CDK12: variants seen among roughly 807,000 people sequenced by gnomAD.
CDK12 encodes the protein cyclin-dependent kinase 12.
A neutral mutation model predicts 133.8 loss-of-function variants in CDK12; 17 were observed. That is an observed-to-expected ratio of 0.13 (90% CI 0.09 to 0.19). CDK12 has a LOEUF of 0.19. CDK12 is among the 10% of genes least tolerant of loss of function. The pLI, the probability that CDK12 is intolerant of heterozygous loss-of-function variation, is 1.00. For synonymous variants in CDK12, 694 were observed against 683.6 expected (o/e 1.02, Z -0.24); for missense variants, 1,508 against 1,818.7 (o/e 0.83, Z 3.11).
chr17:39,553,056 C>G (rs1224145842), intron 2 of CDK12, among the ~76,000 whole-genome samples: 1 of 152,102 alleles, frequency 6.6e-6, no homozygotes, highest in Non-Finnish European at 1.5e-5. Flanking sequence ...GGTGCCAGAT[C>G]TTTGCGGGGA....
At chr17:39,475,270 A>C (rs2050107962) in intron 2 of CDK12, among the ~76,000 whole-genome samples, 1 of 151,930 alleles carries the variant, frequency 6.6e-6, no homozygotes, top group Non-Finnish European at 1.5e-5. Flanking sequence ...AGGAGTTCAA[A>C]ACCAGCCTGG....
downstream of CDK12, among the ~76,000 whole-genome samples, chr17:39,537,542 T>C (rs1020786751): frequency 1.4e-5 from 2 of 147,054 alleles, no homozygotes; most frequent in Non-Finnish European, 3.0e-5. Flanking sequence ...TATAATTCCT[T>C]ATTTTTATTT....
chr17:39,528,160 T>C (rs958191598), intron 13 of CDK12, among the ~76,000 whole-genome samples: 5 of 151,926 alleles, frequency 3.3e-5, no homozygotes, highest in Non-Finnish European at 5.9e-5. Context: ...CCTCTGGTGA[T>C]CCACCCGCCT....
chr17:39,463,315 C>G (rs1321925275), intron 1 of CDK12, among the ~76,000 whole-genome samples, 198 bp downstream of exon 1: 1 of 152,192 alleles, frequency 6.6e-6, no homozygotes, highest in Non-Finnish European at 1.5e-5. Flanking sequence ...AGGCCTCAAA[C>G]CGCCAAAGGT....
chr17:39,465,066 T>C (rs2049199531), intron 1 of CDK12, among the ~76,000 whole-genome samples: 1 of 151,760 alleles, frequency 6.6e-6, no homozygotes, highest in African/African-American at 2.4e-5. Context: ...GCCAATGTGG[T>C]GAAATGCTGT....
chr17:39,528,263 T>A (rs117730127), intron 13 of CDK12, among the ~76,000 whole-genome samples: 3,037 of 152,268 alleles, frequency 0.02, 50 homozygotes, highest in Non-Finnish European at 0.028. Flanking sequence ...ATACTTTAGA[T>A]CATAACAATA....
intron 1 of CDK12, among the ~76,000 whole-genome samples, chr17:39,465,828 C>T (rs1196962619): frequency 6.6e-6 from 1 of 152,092 alleles, no homozygotes; most frequent in Non-Finnish European, 1.5e-5. Context: ...AAAAAGTATT[C>T]TTAGGATATT....
intron 1 of CDK12, among the ~76,000 whole-genome samples, chr17:39,542,175 A>T (rs1373567379): frequency 2.0e-5 from 3 of 151,684 alleles, no homozygotes; most frequent in Non-Finnish European, 4.4e-5. Flanking sequence ...GTGTGTGTGT[A>T]TCTTAAAGAA....
chr17:39,565,446 T>TGTTTGTTTA (rs56852777), downstream of CDK12, among the ~76,000 whole-genome samples: 10 of 150,034 alleles, frequency 6.7e-5, no homozygotes, highest in Admixed American at 3.3e-4. Context: ...TTTGTTTGTT[T>TGTTTGTTTA]AAAAAAAACG....
intron 6 of CDK12, among the ~76,000 whole-genome samples, chr17:39,502,156 G>T (rs1314128827): frequency 1.4e-5 from 2 of 146,114 alleles, no homozygotes; most frequent in Admixed American, 1.4e-4. Flanking sequence ...TAGTTTGTTT[G>T]TTTGTTTGTT....
At chr17:39,489,524 A>G (rs565428854) in intron 2 of CDK12, among the ~76,000 whole-genome samples, 50 of 111,464 alleles carry the variant, frequency 4.5e-4, no homozygotes, top group African/African-American at 1.7e-3. Context: ...TTTTTTTTTG[A>G]GACGGAGTTT....
Position 39,471,208 on chromosome 17 carries a change from A to T in CDK12, c.1376A>T (p.Asp459Val). The stretch of plus-strand genomic sequence containing the variant: ...GTAAAATTGGAAAAATCTGCCCCAG[A>T]TACTGAACTGGTGAATGTAACACAT... ...RSVKLEKSAPDTELVNVTHLN... is the reference protein window; with the variant it reads ...RSVKLEKSAPVTELVNVTHLN... Residue 459 changes from aspartate (D) to valine (V), a missense_variant, in exon 2 of 14, where the codon GAT becomes GTT. Physicochemically the swap from Asp to Val is radical, Grantham distance 152 (BLOSUM62 -3). This residue lies in a region of CDK12 where 347 missense variants were observed against 330.8 expected (regional missense o/e 1.05). Coordinates refer to ENST00000447079, the MANE Select transcript of CDK12 (RefSeq NM_016507.4). 6.3e-7 allele frequency: 1 copy of T among 1,590,590 alleles called. No individual in the cohort carries two copies.
Position 39,517,649 on chromosome 17 carries a change from T to G in CDK12, c.2963+93T>G, listed in dbSNP as rs189566733. The G allele has an allele frequency of 3.4e-4, 247 of 726,052 alleles. 2 individuals carry two copies. Among genetic ancestry groups the G allele is most frequent in the Admixed American group, 2.5e-3 (108 of 43,696 alleles). 45.0% of individuals were successfully genotyped at this position (726,052 alleles called of 1,614,324 possible). On this transcript the variant is annotated intron_variant, in intron 10 of 13. Transcript: ENST00000447079. Reference sequence around the variant, plus strand: ...GTCTGGGTAGTTAATGTTGTCCCAGTTTATCATGGCAACACAGTGTAGGAA... The same window carrying G: ...GTCTGGGTAGTTAATGTTGTCCCAGGTTATCATGGCAACACAGTGTAGGAA...
At chr17:39,482,558 C>T (rs549934482) in intron 2 of CDK12, among the ~76,000 whole-genome samples, 4 of 139,298 alleles carry the variant, frequency 2.9e-5, no homozygotes, top group Admixed American at 2.3e-4. Context: ...TGTATTGTTA[C>T]GGTTTTAGTG....
intron 13 of CDK12, among the ~76,000 whole-genome samples, chr17:39,528,175 C>T (rs1000576789): frequency 2.0e-5 from 3 of 152,070 alleles, no homozygotes; most frequent in Non-Finnish European, 4.4e-5. Flanking sequence ...CCGCCTTAGC[C>T]TCCCAAAGTG....
intron 4 of CDK12, among the ~76,000 whole-genome samples, chr17:39,494,126 C>T (rs1390160727): frequency 6.6e-6 from 1 of 152,130 alleles, no homozygotes; most frequent in Non-Finnish European, 1.5e-5. Context: ...GATGCGATCT[C>T]AGCTCACTGC....
At chr17:39,490,513 A>G in intron 2 of CDK12, 44 bp from the exon 3 acceptor site, 2 of 1,397,340 alleles carry the variant, frequency 1.4e-6, no homozygotes, top group Middle Eastern at 2.0e-4. Context: ...TTATTTGCGT[A>G]TCTTTAATTG....
chr17:39,513,948 G>GT (rs905148050), intron 8 of CDK12, among the ~76,000 whole-genome samples: 2 of 151,570 alleles, frequency 1.3e-5, no homozygotes, highest in African/African-American at 2.4e-5. Flanking sequence ...AAACCTAGTG[G>GT]TTTTTTTTTC....
Position 39,471,821 on chromosome 17 carries a change from GT to G in CDK12, c.1931+62del. 2.8e-6 allele frequency: 4 copies of G among 1,438,434 alleles called. No homozygotes were observed. In the South Asian group the frequency reaches 5.4e-5, roughly 19 times the overall value. The allele number at this position is 1,438,434 out of a possible 1,614,324, so 89.1% of individuals were successfully genotyped here. On this transcript the variant is annotated intron_variant, in intron 2 of 13. Coordinates refer to ENST00000447079, the MANE Select transcript of CDK12 (RefSeq NM_016507.4). ...TTGATCTAAACATAAAGCATTTTCT[GT>G]TTTAATCTTTGTCAACACTACCCTC...
Sources: allele counts gnomAD v4.1 joint callset (sites outside exome capture counted in the v4.1 genomes callset), GRCh38; gene constraint gnomAD v4.1.1; regional missense constraint gnomAD v4.1.1; transcripts MANE v1.5; gene names NCBI Gene and HGNC (gene_info 2026-07-23, HGNC 2026-07-21).